Variants in MGAT4C observed in about 807,000 individuals in gnomAD.
MGAT4C encodes the protein alpha-1,3-mannosyl-glycoprotein 4-beta-N-acetylglucosaminyltransferase C.
MGAT4C carries 19 observed loss-of-function variants against 40.1 expected under a neutral mutation model. The ratio of observed to expected loss-of-function variants is 0.47; its 90% CI spans 0.33 to 0.70. The LOEUF is 0.70. MGAT4C is among the 30% of genes least tolerant of loss of function. The pLI, the probability that MGAT4C is intolerant of heterozygous loss-of-function variation, is 0.02. For missense variants in MGAT4C, 491 were observed against 563.2 expected (o/e 0.87, Z 1.30); for synonymous variants, 181 against 187.1 (o/e 0.97, Z 0.27).
intron 2 of MGAT4C, among the ~76,000 whole-genome samples, chr12:86,570,957 G>A (rs1478312365): frequency 2.6e-5 from 4 of 152,140 alleles, no homozygotes; most frequent in African/African-American, 7.2e-5. Context: ...GGAATTACAG[G>A]TATATGCCAT....
chr12:86,463,815 T>A (rs1449558165), intron 2 of MGAT4C, among the ~76,000 whole-genome samples: 1 of 152,200 alleles, frequency 6.6e-6, no homozygotes, highest in Non-Finnish European at 1.5e-5. Context: ...TTGCTATGTT[T>A]TCCTTATATC....
intron 2 of MGAT4C, among the ~76,000 whole-genome samples, chr12:86,489,452 C>T (rs928661940): frequency 6.6e-6 from 1 of 152,190 alleles, no homozygotes; most frequent in Non-Finnish European, 1.5e-5. Context: ...CACACTAGCC[C>T]TTTCCTCTTG....
At chr12:86,781,953 A>C (rs1367471536) in intron 1 of MGAT4C, among the ~76,000 whole-genome samples, 1 of 151,856 alleles carries the variant, frequency 6.6e-6, no homozygotes, top group Admixed American at 6.6e-5. Context: ...TTTTGAAAAA[A>C]ACTCCACACT....
rs572440619 is a variant in MGAT4C at position 86,586,219 on chromosome 12, C to T, written c.-229+140990G>A. Among the ~76,000 whole-genome samples, 27 of 137,106 alleles carry T rather than the reference C, an allele frequency of 2.0e-4. 1 individual carries two copies. The highest frequency in any genetic ancestry group is 9.1e-4 in the Admixed American group (12 of 13,134). 89.9% of individuals were successfully genotyped at this position (137,106 alleles called of 152,430 possible). On this transcript the variant is annotated intron_variant, in intron 2 of 7. Coordinates refer to the MGAT4C transcript ENST00000548651. ...TGTGGTGTTTGGTTTTTTGTTCTTGCGATAGTTTACTGAGAACAATGATTT... is the reference window on the plus strand; with the variant it reads ...TGTGGTGTTTGGTTTTTTGTTCTTGTGATAGTTTACTGAGAACAATGATTT...
At chr12:86,270,025 G>A (rs1438865213) in intron 4 of MGAT4C, among the ~76,000 whole-genome samples, 3 of 151,846 alleles carry the variant, frequency 2.0e-5, no homozygotes, top group Non-Finnish European at 2.9e-5. Context: ...TTCACCTCCC[G>A]TAGTGGATCT....
At chr12:86,205,941 T>C (rs17013792) in intron 1 of MGAT4C, among the ~76,000 whole-genome samples, 7,197 of 93,122 alleles carry the variant, frequency 0.077, 573 homozygotes, top group African/African-American at 0.24. Flanking sequence ...CTATTCAGCA[T>C]GCTTCCACCA....
At chr12:86,619,971 A>C (rs1962585144) in intron 2 of MGAT4C, among the ~76,000 whole-genome samples, 1 of 152,176 alleles carries the variant, frequency 6.6e-6, no homozygotes, top group South Asian at 2.1e-4. Flanking sequence ...AAATGAATTA[A>C]AATGAGTTGC....
chr12:86,786,735 A>C (rs552801585), intron 1 of MGAT4C, among the ~76,000 whole-genome samples: 12 of 152,244 alleles, frequency 7.9e-5, no homozygotes, highest in African/African-American at 2.6e-4. Flanking sequence ...TGAAGTTTTA[A>C]AGGAATAATC....
rs565743454 is a variant in MGAT4C, at chr12:86,009,114, T to C, written c.-6-19562A>G. Among the ~76,000 whole-genome samples, 4 of 152,320 alleles carry C rather than the reference T, an allele frequency of 2.6e-5. 1 individual carries two copies. In the South Asian group the frequency reaches 8.3e-4, roughly 32 times the overall value. On this transcript the variant is annotated intron_variant, in intron 2 of 4. Transcript: ENST00000611864. ...AGAGAAACCTTAAGTCTAGGGCTAA[T>C]TTTGCCTTACAGCTAAGGCAATACC...
chr12:86,331,946 C>T (rs576996001), intron 4 of MGAT4C, among the ~76,000 whole-genome samples: 1 of 152,096 alleles, frequency 6.6e-6, no homozygotes, highest in African/African-American at 2.4e-5. Context: ...CCTAATTATG[C>T]TTTAATTCAT....
chr12:86,074,026 G>A (rs763138344), intron 1 of MGAT4C, among the ~76,000 whole-genome samples: 3 of 151,894 alleles, frequency 2.0e-5, no homozygotes, highest in East Asian at 1.9e-4. Flanking sequence ...GGGAGGGATC[G>A]GGGGAGGTAA....
At chr12:86,659,480 G>C (rs1473464078) in intron 2 of MGAT4C, among the ~76,000 whole-genome samples, 1 of 152,072 alleles carries the variant, frequency 6.6e-6, no homozygotes, top group Non-Finnish European at 1.5e-5. Flanking sequence ...GTGTAGTCTT[G>C]ATCCAATCAG....
chr12:86,183,011 G>C (rs1348781598), intron 1 of MGAT4C, among the ~76,000 whole-genome samples: 3 of 152,036 alleles, frequency 2.0e-5, no homozygotes, highest in Non-Finnish European at 4.4e-5. Flanking sequence ...GGTGTATTCT[G>C]ATTAGACAGT....
chr12:86,600,642 C>G (rs908646844), intron 2 of MGAT4C, among the ~76,000 whole-genome samples: 2 of 152,170 alleles, frequency 1.3e-5, no homozygotes, highest in African/African-American at 4.8e-5. Context: ...AGCAGTGGCC[C>G]GGTTGGAGCA....
At chr12:86,639,338 A>G (rs1000470490) in intron 2 of MGAT4C, among the ~76,000 whole-genome samples, 1 of 151,730 alleles carries the variant, frequency 6.6e-6, no homozygotes, top group Non-Finnish European at 1.5e-5. Flanking sequence ...ATTCTCAAAC[A>G]GTCATCTGAA....
At chr12:86,551,607 C>T (rs913474500) in intron 2 of MGAT4C, among the ~76,000 whole-genome samples, 4 of 152,186 alleles carry the variant, frequency 2.6e-5, no homozygotes, top group Admixed American at 6.5e-5. Flanking sequence ...GACATGCACG[C>T]AGGCCAGCTG....
chr12:86,385,669 C>T (rs916744895), intron 3 of MGAT4C, among the ~76,000 whole-genome samples: 2 of 152,166 alleles, frequency 1.3e-5, no homozygotes, highest in Non-Finnish European at 2.9e-5. Context: ...TTAAAATGCA[C>T]CATGGGATTG....
intron 1 of MGAT4C, among the ~76,000 whole-genome samples, chr12:86,804,182 T>C (rs1291732554): frequency 4.1e-4 from 61 of 150,046 alleles, no homozygotes; most frequent in African/African-American, 1.4e-3. Flanking sequence ...AACCAAACAC[T>C]GCATATTCTC....
intron 2 of MGAT4C, among the ~76,000 whole-genome samples, chr12:86,461,059 T>G (rs1237433525): frequency 2.0e-5 from 3 of 152,100 alleles, no homozygotes; most frequent in African/African-American, 7.2e-5. Flanking sequence ...CTTTTCATGT[T>G]ATAACTCTCT....
Sources: allele counts gnomAD v4.1 joint callset (sites outside exome capture counted in the v4.1 genomes callset), GRCh38; gene constraint gnomAD v4.1.1; transcripts MANE v1.5; gene names NCBI Gene and HGNC (gene_info 2026-07-23, HGNC 2026-07-21).